DLG2: variants seen among roughly 807,000 people sequenced by gnomAD.
DLG2 encodes the protein discs large MAGUK scaffold protein 2, also known as disks large homolog 2.
Under a neutral mutation model 132.5 loss-of-function variants are expected in DLG2, and 45 were observed. That is an observed-to-expected ratio of 0.34 (90% confidence interval 0.27 to 0.44). The LOEUF is 0.44. Among genes scored for constraint, DLG2 ranks in the 20% least tolerant of loss-of-function variants. The pLI, the probability that DLG2 is intolerant of heterozygous loss-of-function variation, is 1.00. For missense variants in DLG2, 1,045 were observed against 1,196.9 expected (o/e 0.87, Z 1.87); for synonymous variants, 424 against 419.6 (o/e 1.01, Z -0.13).
chr11:85,083,862 G>T (rs1374044994), intron 6 of DLG2, among the ~76,000 whole-genome samples: 1 of 152,016 alleles, frequency 6.6e-6, no homozygotes, highest in African/African-American at 2.4e-5. Flanking sequence ...AAATTCTAAG[G>T]GGAGGAAGGT....
At chr11:84,908,119 CA>C (rs1423557696) in intron 6 of DLG2, among the ~76,000 whole-genome samples, 1 of 151,750 alleles carries the variant, frequency 6.6e-6, no homozygotes, top group African/African-American at 2.4e-5. Context: ...TCCACAACAG[CA>C]ATGTCTAAAA....
At chr11:83,787,445 C>T (rs1380636421) in intron 17 of DLG2, among the ~76,000 whole-genome samples, 2 of 150,602 alleles carry the variant, frequency 1.3e-5, no homozygotes, top group African/African-American at 2.5e-5. Context: ...CCTCAGCCTC[C>T]CAAGTAGCTG....
intron 3 of DLG2, among the ~76,000 whole-genome samples, chr11:85,532,801 A>C (rs145875958): frequency 1.3e-5 from 2 of 152,202 alleles, no homozygotes; most frequent in Admixed American, 1.3e-4. Flanking sequence ...CTGGTTTTTA[A>C]TTTCTATCAG....
intron 6 of DLG2, among the ~76,000 whole-genome samples, chr11:84,718,649 C>T (rs72945810): frequency 4.3e-3 from 653 of 152,236 alleles, no homozygotes; most frequent in Non-Finnish European, 7.4e-3. Context: ...CATTTAGCAC[C>T]GCTAAGTAAT....
At chr11:85,272,715 A>T (rs1471062976) in intron 4 of DLG2, among the ~76,000 whole-genome samples, 1 of 152,174 alleles carries the variant, frequency 6.6e-6, no homozygotes, top group Non-Finnish European at 1.5e-5. Context: ...CATCCCCATC[A>T]AGCTACCAAT....
chr11:85,362,602 T>A (rs933513102), intron 3 of DLG2, among the ~76,000 whole-genome samples: 1 of 152,018 alleles, frequency 6.6e-6, no homozygotes, highest in Non-Finnish European at 1.5e-5. Context: ...GGATGCCTTT[T>A]TTTTTATTTT....
At chr11:85,241,760 T>C (rs1255433774) in intron 4 of DLG2, among the ~76,000 whole-genome samples, 3 of 152,010 alleles carry the variant, frequency 2.0e-5, no homozygotes, top group Non-Finnish European at 4.4e-5. Context: ...CACATATGTC[T>C]ATAAATTCTT....
chr11:83,471,952 C>G (rs966731816), intron 23 of DLG2, among the ~76,000 whole-genome samples: 2 of 150,856 alleles, frequency 1.3e-5, no homozygotes, highest in African/African-American at 4.8e-5. Flanking sequence ...AAGGCAATTG[C>G]AGTATCTGTT....
At chr11:83,737,335 A>T (rs2092028435) in intron 18 of DLG2, among the ~76,000 whole-genome samples, 1 of 152,186 alleles carries the variant, frequency 6.6e-6, no homozygotes, top group Non-Finnish European at 1.5e-5. Context: ...ATAAAGAAAA[A>T]GTGAGTGGAG....
chr11:83,586,287 G>A (rs1373207790), intron 19 of DLG2, among the ~76,000 whole-genome samples: 2 of 152,220 alleles, frequency 1.3e-5, no homozygotes, highest in Non-Finnish European at 2.9e-5. Flanking sequence ...TACCAACATA[G>A]GGAGAATCTT....
chr11:85,333,989 T>G (rs929538050), intron 3 of DLG2, among the ~76,000 whole-genome samples: 1 of 151,988 alleles, frequency 6.6e-6, no homozygotes, highest in African/African-American at 2.4e-5. Context: ...TTCTCTGGAG[T>G]AGTTTCAGTA....
chr11:84,232,074 GA>G (rs1177063702), intron 8 of DLG2, among the ~76,000 whole-genome samples: 2 of 151,914 alleles, frequency 1.3e-5, no homozygotes, highest in Non-Finnish European at 2.9e-5. Context: ...GTGAAATAAG[GA>G]AAAAAATATA....
chr11:83,901,143 C>T (rs910970065), intron 15 of DLG2, among the ~76,000 whole-genome samples: 1 of 152,278 alleles, frequency 6.6e-6, no homozygotes, highest in South Asian at 2.1e-4. Flanking sequence ...ATGCCTGTAG[C>T]CCCATTGTAT....
intron 6 of DLG2, among the ~76,000 whole-genome samples, chr11:84,875,734 T>C (rs369886613): frequency 1.3e-5 from 2 of 152,260 alleles, no homozygotes; most frequent in South Asian, 4.1e-4. Context: ...AAAAATCTTA[T>C]TTCCTTCTCC....
chr11:84,254,631 C>G (rs2097436203), intron 7 of DLG2, among the ~76,000 whole-genome samples: 1 of 152,010 alleles, frequency 6.6e-6, no homozygotes, highest in East Asian at 1.9e-4. Context: ...TCCAATATCA[C>G]TTTCTTTCTT....
chr11:84,513,783 A>C (rs1350210857), intron 7 of DLG2, among the ~76,000 whole-genome samples: 1 of 151,838 alleles, frequency 6.6e-6, no homozygotes, highest in Non-Finnish European at 1.5e-5. Flanking sequence ...GCCCCCCAAA[A>C]AAAAAAATCT....
chr11:85,543,300 T>G lies in DLG2; in HGVS notation c.40+55357A>C, dbSNP rs373329353. On this transcript the variant is annotated intron_variant, in intron 3 of 27. Coordinates refer to ENST00000376104, the MANE Select transcript of DLG2 (RefSeq NM_001142699.3). Reference sequence around the variant, plus strand: ...TGGTTTCCAGCTTCATCCATGTCCCTGCAAAGGATATTAATTCATCATTTT... The same window carrying G: ...TGGTTTCCAGCTTCATCCATGTCCCGGCAAAGGATATTAATTCATCATTTT... Among the ~76,000 whole-genome samples the G allele has an allele frequency of 1.3e-3, 205 of 152,352 alleles. 1 individual carries two copies. The highest frequency in any genetic ancestry group is 4.9e-3 in the African/African-American group (203 of 41,578).
chr11:84,854,946 T>C (rs915475850), intron 6 of DLG2, among the ~76,000 whole-genome samples: 3 of 152,074 alleles, frequency 2.0e-5, no homozygotes, highest in Non-Finnish European at 4.4e-5. Context: ...CTGTCTACTT[T>C]ATTTTTAAAC....
chr11:83,915,971 T>C (rs1361157874), intron 15 of DLG2, among the ~76,000 whole-genome samples: 1 of 152,218 alleles, frequency 6.6e-6, no homozygotes, highest in Admixed American at 6.5e-5. Context: ...TGTTGACATT[T>C]CACAGAAATG....
Sources: allele counts gnomAD v4.1 joint callset (sites outside exome capture counted in the v4.1 genomes callset), GRCh38; gene constraint gnomAD v4.1.1; transcripts MANE v1.5; gene names NCBI Gene and HGNC (gene_info 2026-07-23, HGNC 2026-07-21).